GRIN2A: variants seen among roughly 807,000 people sequenced by gnomAD.
The protein encoded by GRIN2A is glutamate receptor ionotropic, NMDA 2A.
In GRIN2A, 22 loss-of-function variants were observed where a neutral mutation model predicts 113.4. The ratio of observed to expected loss-of-function variants is 0.19; its 90% CI spans 0.14 to 0.28. The LOEUF is 0.28. Ranked by LOEUF, GRIN2A falls within the 10% of genes least tolerant of loss-of-function variation. The pLI, the probability that GRIN2A is intolerant of heterozygous loss-of-function variation, is 1.00. For synonymous variants in GRIN2A, 827 were observed against 738.4 expected (o/e 1.12, Z -1.94); for missense variants, 1,502 against 1,887.0 (o/e 0.80, Z 3.78).
intron 2 of GRIN2A, among the ~76,000 whole-genome samples, chr16:9,988,885 A>T (rs1020455000): frequency 9.9e-5 from 15 of 152,164 alleles, no homozygotes; most frequent in Admixed American, 2.0e-4. Context: ...TGATAACCAG[A>T]CAGGAGGAGG....
chr16:9,931,659 T>G (rs906372009), intron 3 of GRIN2A, among the ~76,000 whole-genome samples: 40 of 152,216 alleles, frequency 2.6e-4, no homozygotes, highest in African/African-American at 8.4e-4. Context: ...ACATCCACCC[T>G]CTCCCTTCTA....
intron 2 of GRIN2A, among the ~76,000 whole-genome samples, chr16:10,137,357 T>G (rs1807649446): frequency 6.6e-6 from 1 of 152,178 alleles, no homozygotes; most frequent in Non-Finnish European, 1.5e-5. Flanking sequence ...GGCCTGACTC[T>G]AAAGTCACAT....
At chr16:10,169,573 T>G (rs1416113898) in intron 2 of GRIN2A, among the ~76,000 whole-genome samples, 1 of 152,144 alleles carries the variant, frequency 6.6e-6, no homozygotes, top group African/African-American at 2.4e-5. Flanking sequence ...GAAGGTGTGA[T>G]GGCTGGAACA....
chr16:9,917,079 T>C (rs1238449543), intron 3 of GRIN2A, among the ~76,000 whole-genome samples: 1 of 152,258 alleles, frequency 6.6e-6, no homozygotes, highest in African/African-American at 2.4e-5. Context: ...CTTTGCGCAC[T>C]CTGCTCCCTT....
intron 2 of GRIN2A, among the ~76,000 whole-genome samples, chr16:9,982,224 C>G (rs1253256242): frequency 6.6e-6 from 1 of 152,182 alleles, no homozygotes; most frequent in African/African-American, 2.4e-5. Flanking sequence ...CTTATGCCCC[C>G]TCCCATATTT....
chr16:10,160,409 T>C (rs1223658217), intron 2 of GRIN2A, among the ~76,000 whole-genome samples: 2 of 152,206 alleles, frequency 1.3e-5, no homozygotes, highest in Non-Finnish European at 2.9e-5. Flanking sequence ...CGTTTCTAGC[T>C]TCTAAATTCC....
chr16:9,771,785 A>T (rs1802324044), intron 11 of GRIN2A, among the ~76,000 whole-genome samples: 1 of 152,186 alleles, frequency 6.6e-6, no homozygotes, highest in African/African-American at 2.4e-5. Context: ...GGAATTTTCA[A>T]TGTATGAGTT....
intron 4 of GRIN2A, among the ~76,000 whole-genome samples, chr16:9,863,178 G>A (rs2043100590): frequency 6.6e-6 from 1 of 152,138 alleles, no homozygotes; most frequent in South Asian, 2.1e-4. Flanking sequence ...AAATATTAAG[G>A]CAAACATGAG....
At chr16:9,778,456 T>A (rs916597389) in intron 11 of GRIN2A, among the ~76,000 whole-genome samples, 11 of 152,218 alleles carry the variant, frequency 7.2e-5, no homozygotes, top group Non-Finnish European at 7.3e-5. Context: ...CAAAATCTGA[T>A]GACTTATCAT....
chr16:9,772,473 G>C (rs1596387011), intron 11 of GRIN2A, among the ~76,000 whole-genome samples: 2 of 152,192 alleles, frequency 1.3e-5, no homozygotes, highest in Admixed American at 6.5e-5. Context: ...CTGGGCTCAG[G>C]TGATCCTCCC....
chr16:10,150,326 C>T (rs567773482), intron 2 of GRIN2A, among the ~76,000 whole-genome samples: 44 of 152,162 alleles, frequency 2.9e-4, no homozygotes, highest in Non-Finnish European at 4.9e-4. Flanking sequence ...GGTTTCAAAT[C>T]CCACTAGGAA....
intron 2 of GRIN2A, among the ~76,000 whole-genome samples, chr16:9,967,762 G>C (rs1466974400): frequency 2.6e-5 from 4 of 151,720 alleles, no homozygotes; most frequent in African/African-American, 9.7e-5. Context: ...AGTTTGGGAG[G>C]GGGTGAGGGA....
At chr16:10,177,326 T>C (rs905148232) in intron 2 of GRIN2A, among the ~76,000 whole-genome samples, 1 of 152,114 alleles carries the variant, frequency 6.6e-6, no homozygotes, top group African/African-American at 2.4e-5. Context: ...ATATCACCGT[T>C]CCACATGGGG....
At chr16:10,068,672 T>C (rs1457360913) in intron 2 of GRIN2A, among the ~76,000 whole-genome samples, 1 of 152,188 alleles carries the variant, frequency 6.6e-6, no homozygotes, top group Non-Finnish European at 1.5e-5. Flanking sequence ...ACCTTATCAA[T>C]TCCCCCATGG....
chr16:9,819,298 T>G (rs2042239052), intron 10 of GRIN2A, among the ~76,000 whole-genome samples: 1 of 152,128 alleles, frequency 6.6e-6, no homozygotes. Context: ...GGCAGGAGAA[T>G]GGCTTGAGCC....
At chr16:9,970,184 TA>T (rs1332478022) in intron 2 of GRIN2A, among the ~76,000 whole-genome samples, 1 of 152,254 alleles carries the variant, frequency 6.6e-6, no homozygotes, top group Non-Finnish European at 1.5e-5. Flanking sequence ...TACAACCTGC[TA>T]GGCCTCCAGG....
At chr16:9,993,031 C>G (rs572962470) in intron 2 of GRIN2A, among the ~76,000 whole-genome samples, 3 of 151,352 alleles carry the variant, frequency 2.0e-5, no homozygotes, top group Admixed American at 2.0e-4. Context: ...ACCTGGCAAA[C>G]ATGGCAAAAC....
chr16:10,177,389 C>A (rs34406060), intron 2 of GRIN2A, among the ~76,000 whole-genome samples: 3,496 of 152,276 alleles, frequency 0.023, 56 homozygotes, highest in Non-Finnish European at 0.034. Context: ...TTCCCTGCCA[C>A]CTTGCCTCAT....
chr16:9,820,372 A>G (rs2042259654), intron 10 of GRIN2A, among the ~76,000 whole-genome samples: 1 of 152,254 alleles, frequency 6.6e-6, no homozygotes, highest in African/African-American at 2.4e-5. Flanking sequence ...AAAGTCATCA[A>G]CAATTGGTCT....
Sources: gnomAD v4.1 joint callset for allele counts (sites outside exome capture counted in the v4.1 genomes callset) on GRCh38, gnomAD v4.1.1 for gene constraint, MANE v1.5 for transcripts, NCBI Gene and HGNC (gene_info 2026-07-23, HGNC 2026-07-21) for gene names.